COL19A1: variants seen among roughly 807,000 people sequenced by gnomAD.
The protein encoded by COL19A1 is collagen alpha-1(XIX) chain.
COL19A1 carries 159 observed loss-of-function variants against 190.2 expected under a neutral mutation model. The ratio of observed to expected loss-of-function variants is 0.84; its 90% CI spans 0.73 to 0.95. The LOEUF is 0.95. Ranked by LOEUF, COL19A1 falls within the 40% of genes least tolerant of loss-of-function variation. COL19A1 has a pLI of 0.00. For missense variants in COL19A1, 1,418 were observed against 1,431.9 expected (o/e 0.99, Z 0.16); for synonymous variants, 509 against 458.9 (o/e 1.11, Z -1.39).
intron 23 of COL19A1, among the ~76,000 whole-genome samples, chr6:70,143,649 C>A (rs571537100): frequency 1.3e-5 from 2 of 151,808 alleles, no homozygotes; most frequent in Non-Finnish European, 1.5e-5. Flanking sequence ...CTGCTTGGTA[C>A]TTTGAACACC....
At chr6:69,889,635 G>A (rs949174058) in intron 2 of COL19A1, among the ~76,000 whole-genome samples, 2 of 152,048 alleles carry the variant, frequency 1.3e-5, no homozygotes, top group South Asian at 4.2e-4. Flanking sequence ...CTAAAGGACT[G>A]TAAATGCACC....
At chr6:70,079,005 T>G (rs902784527) in intron 15 of COL19A1, among the ~76,000 whole-genome samples, 1 of 152,180 alleles carries the variant, frequency 6.6e-6, no homozygotes, top group Admixed American at 6.5e-5. Context: ...AGACAGAGGC[T>G]TCAGTGAGCC....
chr6:70,106,855 G>A (rs971681490), intron 16 of COL19A1, among the ~76,000 whole-genome samples: 4 of 152,128 alleles, frequency 2.6e-5, no homozygotes, highest in African/African-American at 4.8e-5. Flanking sequence ...TAAAGATTAC[G>A]ACTGAGAACA....
intron 27 of COL19A1, among the ~76,000 whole-genome samples, chr6:70,148,301 G>T (rs1253818686): frequency 6.6e-6 from 1 of 151,210 alleles, no homozygotes; most frequent in Non-Finnish European, 1.5e-5. Context: ...GGAACAAAAG[G>T]CTCTCCTATC....
intron 14 of COL19A1, among the ~76,000 whole-genome samples, chr6:70,037,711 C>T (rs1048417135): frequency 2.0e-4 from 30 of 152,242 alleles, no homozygotes; most frequent in Non-Finnish European, 3.4e-4. Flanking sequence ...TATATTATTT[C>T]GCCTGAAATA....
rs184119774 is a variant in COL19A1 at position 69,881,091 on chromosome 6, G to A, written c.91+1433G>A. 1.4e-3 allele frequency among the ~76,000 whole-genome samples: 212 copies of A among 152,240 alleles called. 1 individual carries two copies. The highest frequency in any genetic ancestry group is 6.8e-3 in the Middle Eastern group (2 of 294). On this transcript the variant is annotated intron_variant, in intron 2 of 50. Coordinates refer to ENST00000620364, the MANE Select transcript of COL19A1 (RefSeq NM_001858.6). ...TTAACATGAAAAAGAATCACCTGACGTATTTGATTCCTGAGACCTCCTATC... is the reference window on the plus strand; with the variant it reads ...TTAACATGAAAAAGAATCACCTGACATATTTGATTCCTGAGACCTCCTATC...
At chr6:69,917,825 TA>T (rs141435216) in intron 4 of COL19A1, among the ~76,000 whole-genome samples, 3 of 151,332 alleles carry the variant, frequency 2.0e-5, no homozygotes, top group African/African-American at 4.9e-5. Context: ...GCTGATGAGC[TA>T]AAAAAAAATC....
intron 11 of COL19A1, among the ~76,000 whole-genome samples, chr6:69,970,246 T>G (rs770402700): frequency 6.6e-6 from 1 of 152,206 alleles, no homozygotes; most frequent in Non-Finnish European, 1.5e-5. Context: ...ATTTTTTTCC[T>G]TCTCCCATGG....
At chr6:69,987,621 A>C (rs191531203) in intron 11 of COL19A1, among the ~76,000 whole-genome samples, 1 of 152,320 alleles carries the variant, frequency 6.6e-6, no homozygotes, top group East Asian at 1.9e-4. Context: ...TGAAAGACAT[A>C]AGCACCACCG....
intron 41 of COL19A1, among the ~76,000 whole-genome samples, chr6:70,173,818 AG>A (rs1206994535): frequency 6.6e-6 from 1 of 152,214 alleles, no homozygotes; most frequent in Admixed American, 6.5e-5. Context: ...TTTATAAGAT[AG>A]ATTTTGAAGA....
chr6:70,113,144 G>A (rs1784377207), intron 16 of COL19A1, among the ~76,000 whole-genome samples: 1 of 152,144 alleles, frequency 6.6e-6, no homozygotes, highest in Non-Finnish European at 1.5e-5. Context: ...CAAGGTGGGG[G>A]AAAAGCTAGC....
chr6:69,954,322 T>A (rs1378891384), intron 9 of COL19A1, among the ~76,000 whole-genome samples: 1 of 152,012 alleles, frequency 6.6e-6, no homozygotes, highest in East Asian at 1.9e-4. Context: ...CTGTCTCATC[T>A]CTAATCCCAG....
chr6:69,893,218 G>A (rs1025220809), intron 2 of COL19A1, among the ~76,000 whole-genome samples: 1 of 152,114 alleles, frequency 6.6e-6, no homozygotes, highest in South Asian at 2.1e-4. Flanking sequence ...CATGAGTCCT[G>A]TACTATTTTC....
At chr6:70,040,757 T>G (rs187782118) in intron 14 of COL19A1, among the ~76,000 whole-genome samples, 232 of 152,302 alleles carry the variant, frequency 1.5e-3, no homozygotes, top group Non-Finnish European at 1.2e-3. Context: ...AAAGTGATAT[T>G]TATGGCATTA....
chr6:69,898,312 A>G (rs1415088665), intron 2 of COL19A1, among the ~76,000 whole-genome samples: 2 of 152,218 alleles, frequency 1.3e-5, no homozygotes, highest in African/African-American at 2.4e-5. Context: ...TGGTGTGTGC[A>G]TATCCATTAC....
intron 8 of COL19A1, among the ~76,000 whole-genome samples, chr6:69,937,252 T>A (rs1250927593): frequency 6.6e-6 from 1 of 152,156 alleles, no homozygotes; most frequent in African/African-American, 2.4e-5. Flanking sequence ...GAAAACACAG[T>A]GCCTGCTCTT....
intron 9 of COL19A1, among the ~76,000 whole-genome samples, chr6:69,950,740 G>A (rs1485360766): frequency 6.7e-6 from 1 of 149,982 alleles, no homozygotes; most frequent in African/African-American, 2.5e-5. Context: ...CATCCTCATG[G>A]TATGAAGTAG....
intron 48 of COL19A1, among the ~76,000 whole-genome samples, chr6:70,194,306 C>G (rs1767062748): frequency 6.6e-6 from 1 of 152,162 alleles, no homozygotes; most frequent in Non-Finnish European, 1.5e-5. Context: ...CTTTTTAACC[C>G]CTTTGGGGCT....
intron 14 of COL19A1, among the ~76,000 whole-genome samples, chr6:70,047,549 T>C (rs1021444791): frequency 1.3e-5 from 2 of 152,262 alleles, no homozygotes; most frequent in Non-Finnish European, 1.5e-5. Flanking sequence ...CCTCTCGTGT[T>C]GAAATATTAG....
Sources: allele counts gnomAD v4.1 joint callset (sites outside exome capture counted in the v4.1 genomes callset), GRCh38; gene constraint gnomAD v4.1.1; transcripts MANE v1.5; gene names NCBI Gene and HGNC (gene_info 2026-07-23, HGNC 2026-07-21).